Variants in CENPE observed in about 807,000 individuals in gnomAD.
CENPE encodes the protein centromere protein E.
CENPE carries 145 observed loss-of-function variants against 336.1 expected under a neutral mutation model. The ratio of observed to expected loss-of-function variants is 0.43; its 90% CI spans 0.38 to 0.50. CENPE has a LOEUF of 0.50. CENPE is among the 20% of genes least tolerant of loss of function. CENPE has a pLI of 0.00. For missense variants in CENPE, 2,719 were observed against 3,023.3 expected, an observed-to-expected ratio of 0.90 and a Z score of 2.36; for synonymous variants, 1,013 against 984.8, an observed-to-expected ratio of 1.03 and a Z score of -0.54.
intron 47 of CENPE, among the ~76,000 whole-genome samples, chr4:103,110,106 T>C (rs776314051): frequency 1.3e-5 from 2 of 152,196 alleles, no homozygotes; most frequent in Non-Finnish European, 1.5e-5. Context: ...GATATAGGCA[T>C]ACCTTGGAGA....
intron 18 of CENPE, 70 bp from the exon 19 acceptor site, chr4:103,161,527 T>C (rs1754443413): frequency 4.4e-6 from 6 of 1,359,226 alleles, no homozygotes; most frequent in South Asian, 1.8e-5. Flanking sequence ...TAAGAGAACA[T>C]GTATATAAAT....
intron 44 of CENPE, among the ~76,000 whole-genome samples, chr4:103,119,073 C>T (rs546105074): frequency 1.1e-4 from 16 of 152,266 alleles, no homozygotes; most frequent in African/African-American, 3.9e-4. Context: ...CATCTCTCTT[C>T]CCACACATGT....
chr4:103,191,760 G>C (rs1319678057), intron 8 of CENPE, among the ~76,000 whole-genome samples: 1 of 151,918 alleles, frequency 6.6e-6, no homozygotes, highest in Non-Finnish European at 1.5e-5. Flanking sequence ...AAACGTGCAT[G>C]TTGTGCACAT....
chr4:103,169,568 C>T (rs750319838), intron 16 of CENPE, among the ~76,000 whole-genome samples: 3 of 152,078 alleles, frequency 2.0e-5, no homozygotes, highest in African/African-American at 7.2e-5. Context: ...AAGGGAGTTC[C>T]ATTATGGTTA....
intron 43 of CENPE, among the ~76,000 whole-genome samples, chr4:103,121,552 T>TC (rs201988162): frequency 1.4e-5 from 2 of 147,622 alleles, no homozygotes; most frequent in African/African-American, 5.0e-5. Context: ...TTTCTTTCTT[T>TC]TTTTTTTTTT....
intron 47 of CENPE, among the ~76,000 whole-genome samples, chr4:103,110,623 G>T (rs1179814174): frequency 1.3e-5 from 2 of 151,942 alleles, no homozygotes; most frequent in Non-Finnish European, 2.9e-5. Context: ...GTTAAGAATT[G>T]GTCAGTTGAT....
intron 42 of CENPE, among the ~76,000 whole-genome samples, chr4:103,126,699 G>T (rs1201148318): frequency 6.6e-6 from 1 of 151,994 alleles, no homozygotes; most frequent in African/African-American, 2.4e-5. Flanking sequence ...CGACTTGCAA[G>T]AACAAATAAA....
chr4:103,146,592 C>T (rs748634964), intron 29 of CENPE, among the ~76,000 whole-genome samples: 22 of 152,072 alleles, frequency 1.4e-4, no homozygotes, highest in African/African-American at 3.1e-4. Context: ...CCATGAGCTG[C>T]GGAAGAGAGT....
In CENPE at chr4:103,140,900, C is replaced by T; in HGVS notation, c.5668G>A (p.Glu1890Lys). Reference sequence around the variant, plus strand: ...TCTACTCTTCTTAGATTATCTCTTTCTTTCATTACAGATTTCATTTCTTCA... The same window carrying T: ...TCTACTCTTCTTAGATTATCTCTTTTTTTCATTACAGATTTCATTTCTTCA... ...NLEEMKSVMK[E>K]RDNLRRVEET... Residue 1890 changes from glutamate to lysine, a missense_variant, in exon 36 of 49, where the codon GAA becomes AAA. Glu to Lys is a moderately conservative substitution (Grantham distance 56). This residue lies in a region of CENPE where 2,437 missense variants were observed against 2,513.3 expected (regional missense o/e 0.97). Coordinates refer to ENST00000265148, the MANE Select transcript of CENPE (RefSeq NM_001813.3). 6.2e-7 allele frequency: 1 copy of T among 1,612,512 alleles called. No individual in the cohort carries two copies. Among genetic ancestry groups the T allele is most frequent in the Non-Finnish European group, 8.5e-7 (1 of 1,178,938 alleles).
intron 39 of CENPE, 64 bp downstream of exon 39, chr4:103,138,287 A>G: frequency 9.4e-7 from 1 of 1,062,300 alleles, no homozygotes; most frequent in Non-Finnish European, 1.5e-6. Context: ...ATCCCACTTC[A>G]GGTTTCGGTA....
intron 8 of CENPE, among the ~76,000 whole-genome samples, chr4:103,189,775 T>C (rs1347750736): frequency 6.6e-6 from 1 of 152,086 alleles, no homozygotes; most frequent in Non-Finnish European, 1.5e-5. Flanking sequence ...CAACATAGTG[T>C]TGGAAGTTCT....
At chr4:103,126,158 G>A (rs774065352) in intron 42 of CENPE, among the ~76,000 whole-genome samples, 5 of 152,044 alleles carry the variant, frequency 3.3e-5, no homozygotes, top group Admixed American at 1.3e-4. Flanking sequence ...TACAGTGGCC[G>A]CCACACTTTT....
chr4:103,120,421 T>C lies in CENPE; in HGVS notation c.7144-88A>G, dbSNP rs1343876698. On this transcript the variant is annotated intron_variant, in intron 43 of 48. Coordinates refer to ENST00000265148, the MANE Select transcript of CENPE (RefSeq NM_001813.3). ...TGAGACAGAGATGATCATATTTAGA[T>C]ATTGTTAATTTTTCACAGATTGTAT... 3 of 1,116,012 alleles carry C rather than the reference T, an allele frequency of 2.7e-6. No homozygotes were observed. The Admixed American group carries it at 9.0e-5, about 34-fold the overall frequency. The allele number at this position is 1,116,012 out of a possible 1,614,324, so 69.1% of individuals were successfully genotyped here.
At chr4:103,150,505 C>T (rs1338777288) in intron 26 of CENPE, among the ~76,000 whole-genome samples, 1 of 151,876 alleles carries the variant, frequency 6.6e-6, no homozygotes, top group Admixed American at 6.6e-5. Flanking sequence ...ACAGCCTGAA[C>T]CCAGGGGGGG....
chr4:103,194,325 T>C, intron 7 of CENPE, 31 bp from the exon 8 acceptor site: 2 of 1,610,338 alleles, frequency 1.2e-6, no homozygotes, highest in African/African-American at 1.3e-5. Flanking sequence ...GTAGAAAAAT[T>C]AGTGCATTCT....
In CENPE at chr4:103,106,264, G is replaced by A. The variant is rs749198775; in HGVS notation, c.8064C>T (p.His2688=). 6.9e-6 allele frequency: 11 copies of A among 1,602,052 alleles called. No homozygotes were observed. The Admixed American group carries it at 8.5e-5, about 12-fold the overall frequency. ...ESVDSQPGPW[H]ASSGKDVPEC... The stretch of plus-strand genomic sequence containing the variant: ...CAGGCACATCCTTGCCTGAGGAGGC[G>A]TGCCAAGGACCTGGCTGAGAATCCA... The change falls in exon 49 of 49, where the codon CAC becomes CAT. Residue 2688 remains histidine (H), a synonymous_variant. Coordinates refer to ENST00000265148, the MANE Select transcript of CENPE (RefSeq NM_001813.3).
intron 8 of CENPE, among the ~76,000 whole-genome samples, chr4:103,188,131 C>G (rs1054871617): frequency 2.6e-5 from 4 of 151,924 alleles, no homozygotes; most frequent in African/African-American, 9.7e-5. Flanking sequence ...ACAGGAGCAC[C>G]CAGATTCATA....
chr4:103,194,948 A>T (rs1216294884), intron 5 of CENPE, among the ~76,000 whole-genome samples, 166 bp downstream of exon 5: 1 of 152,020 alleles, frequency 6.6e-6, no homozygotes, highest in East Asian at 1.9e-4. Flanking sequence ...GTATTTTAAA[A>T]CTATTCATAT....
At chr4:103,192,889 A>C (rs976031277) in intron 8 of CENPE, among the ~76,000 whole-genome samples, 2 of 152,196 alleles carry the variant, frequency 1.3e-5, no homozygotes, top group Non-Finnish European at 2.9e-5. Context: ...AACTTGAGTA[A>C]GAAACGTCAC....
Sources: allele counts gnomAD v4.1 joint callset (sites outside exome capture counted in the v4.1 genomes callset), GRCh38; gene constraint gnomAD v4.1.1; regional missense constraint gnomAD v4.1.1; transcripts MANE v1.5; gene names NCBI Gene and HGNC (gene_info 2026-07-23, HGNC 2026-07-21).